GHR: variants seen among roughly 807,000 people sequenced by gnomAD.
GHR encodes GH receptor.
A neutral mutation model predicts 67.1 loss-of-function variants in GHR; 35 were observed. That is an observed-to-expected ratio of 0.52 (90% CI 0.40 to 0.69). The LOEUF is 0.69. Ranked by LOEUF, GHR falls within the 30% of genes least tolerant of loss-of-function variation. The pLI is 0.00. For synonymous variants in GHR, 272 were observed against 269.1 expected (o/e 1.01, Z -0.10); for missense variants, 792 against 764.6 (o/e 1.04, Z -0.42).
chr5:42,479,770 C>G (rs557524564), intron 1 of GHR, among the ~76,000 whole-genome samples: 1 of 151,962 alleles, frequency 6.6e-6, no homozygotes, highest in South Asian at 2.1e-4. Context: ...TTTGATTATT[C>G]TCTCTTTTCT....
At chr5:42,600,141 A>T (rs1752296863) in intron 2 of GHR, among the ~76,000 whole-genome samples, 2 of 152,142 alleles carry the variant, frequency 1.3e-5, no homozygotes, top group Admixed American at 1.3e-4. Context: ...AGGCACTTGG[A>T]GGCATGGGTC....
At chr5:42,660,464 G>A (rs946775860) in intron 3 of GHR, among the ~76,000 whole-genome samples, 1 of 152,188 alleles carries the variant, frequency 6.6e-6, no homozygotes, top group African/African-American at 2.4e-5. Flanking sequence ...AAAATCCGCT[G>A]TTCTGCAGCC....
intron 1 of GHR, among the ~76,000 whole-genome samples, chr5:42,518,740 C>T (rs908649770): frequency 4.6e-5 from 7 of 152,180 alleles, no homozygotes; most frequent in Admixed American, 3.9e-4. Flanking sequence ...GAAGGCGGGG[C>T]ATTTTGGCAT....
chr5:42,480,797 G>T, intron 1 of GHR, among the ~76,000 whole-genome samples: 1 of 152,224 alleles, frequency 6.6e-6, no homozygotes, highest in East Asian at 1.9e-4. Flanking sequence ...ATGTGAGATG[G>T]GTTTCCTTAA....
At chr5:42,448,256 ATTATTTTT>A (rs1192715619) in intron 1 of GHR, among the ~76,000 whole-genome samples, 2 of 151,936 alleles carry the variant, frequency 1.3e-5, no homozygotes, top group African/African-American at 4.8e-5. Flanking sequence ...GCCAACATCT[ATTATTTTT>A]TTATTTTTTA....
chr5:42,680,671 A>ATC (rs1039308428), intron 3 of GHR, among the ~76,000 whole-genome samples: 2 of 151,502 alleles, frequency 1.3e-5, no homozygotes, highest in African/African-American at 2.4e-5. Flanking sequence ...GACCTGGCTA[A>ATC]TTTTTGTATT....
chr5:42,454,814 A>G (rs191545869), intron 1 of GHR, among the ~76,000 whole-genome samples: 109 of 152,146 alleles, frequency 7.2e-4, no homozygotes, highest in African/African-American at 2.5e-3. Flanking sequence ...CAAGGCTTTC[A>G]GGCCACACCC....
chr5:42,451,536 T>C (rs1430704372), intron 1 of GHR, among the ~76,000 whole-genome samples: 4 of 151,948 alleles, frequency 2.6e-5, no homozygotes, highest in Non-Finnish European at 5.9e-5. Flanking sequence ...GGTCAGGAGT[T>C]CTACTAAAAA....
Position 42,646,392 on chromosome 5 carries a change from G to C in GHR, c.136+17289G>C, listed in dbSNP as rs957677182. On this transcript the variant is annotated intron_variant, in intron 3 of 9. Coordinates refer to ENST00000230882, the MANE Select transcript of GHR (RefSeq NM_000163.5). ...GGTTTCAGTCTGGCTCACTGGGTGA[G>C]GTTTTGGCATGAAAACTAATACGGG... The C allele has an allele frequency of 8.2e-5, 37 of 452,522 alleles. 1 individual carries two copies. The highest frequency in any genetic ancestry group is 6.5e-4 in the Middle Eastern group (2 of 3,074). The allele number at this position is 452,522 out of a possible 1,614,324, so 28.0% of individuals were successfully genotyped here. A position where few individuals can be genotyped will look rare whatever the true frequency, so the allele number is the denominator to read the frequency against.
At chr5:42,624,843 A>G (rs939845749) in intron 2 of GHR, among the ~76,000 whole-genome samples, 3 of 152,150 alleles carry the variant, frequency 2.0e-5, no homozygotes, top group Admixed American at 2.0e-4. Context: ...GGTGGTGGGA[A>G]TGGTTCTAGA....
intron 3 of GHR, among the ~76,000 whole-genome samples, chr5:42,685,047 A>T (rs1237035989): frequency 6.6e-6 from 1 of 151,960 alleles, no homozygotes; most frequent in South Asian, 2.1e-4. Flanking sequence ...GCACCCACCA[A>T]CCCGTCATCT....
At chr5:42,707,410 A>T (rs534854922) in intron 6 of GHR, among the ~76,000 whole-genome samples, 5 of 151,592 alleles carry the variant, frequency 3.3e-5, no homozygotes, top group East Asian at 2.0e-4. Flanking sequence ...GGGTTTATTC[A>T]TTTTAGTTAG....
At chr5:42,467,823 G>T in intron 1 of GHR, 2 of 1,274,138 alleles carry the variant, frequency 1.6e-6, no homozygotes, top group Middle Eastern at 1.9e-4. Flanking sequence ...CGCCCAAGCT[G>T]GGTTTTCGGA....
intron 1 of GHR, among the ~76,000 whole-genome samples, chr5:42,510,834 C>A (rs899715612): frequency 2.0e-5 from 3 of 152,102 alleles, no homozygotes; most frequent in African/African-American, 7.2e-5. Flanking sequence ...TGGGAGAGGG[C>A]GTATTTCTTG....
At position 42,636,209 on chromosome 5, in the gene GHR, CAAAAAAAAAAAA is replaced by C. The variant is rs11373491; in HGVS notation, c.136+7119_136+7130del. 1.2e-4 allele frequency among the ~76,000 whole-genome samples: 10 copies of C among 81,926 alleles called. No homozygotes were observed. The Admixed American group carries it at 1.2e-3, about 10-fold the overall frequency. 53.7% of individuals were successfully genotyped at this position (81,926 alleles called of 152,430 possible). A position where few individuals can be genotyped will look rare whatever the true frequency, so the allele number is the denominator to read the frequency against. On this transcript the variant is annotated intron_variant, in intron 3 of 9. Transcript: ENST00000230882. ...TGGGCGACAGAGCGAGACCCCGTTT[CAAAAAAAAAAAA>C]AAAAAAAAAAAATTAGAGCCTAAGA...
At chr5:42,534,645 A>G (rs184522149) in intron 1 of GHR, among the ~76,000 whole-genome samples, 2 of 152,104 alleles carry the variant, frequency 1.3e-5, no homozygotes, top group East Asian at 1.9e-4. Context: ...TCTTTTTCTT[A>G]TAATGACTTC....
intron 2 of GHR, among the ~76,000 whole-genome samples, chr5:42,590,461 G>A (rs1373386233): frequency 6.6e-6 from 1 of 152,038 alleles, no homozygotes; most frequent in Non-Finnish European, 1.5e-5. Context: ...GGCATTTATT[G>A]TGGGGAAGAC....
At chr5:42,697,471 T>A (rs1351478638) in intron 5 of GHR, among the ~76,000 whole-genome samples, 1 of 152,142 alleles carries the variant, frequency 6.6e-6, no homozygotes, top group Non-Finnish European at 1.5e-5. Context: ...TTGGCATCCC[T>A]GAGGCAGTGG....
At position 42,480,849 on chromosome 5, in the gene GHR, A is replaced by G. The variant is rs1454308066; in HGVS notation, c.-12+56894A>G. On this transcript the variant is annotated intron_variant, in intron 1 of 9. Coordinates refer to ENST00000230882, the MANE Select transcript of GHR (RefSeq NM_000163.5). ...GTCTTGACTCTTTATCCAATTTGCC[A>G]GCCTGTGTCTTTTAATTGGAGCATT... Among the ~76,000 whole-genome samples the G allele has an allele frequency of 9.4e-4, 143 of 152,314 alleles. 1 individual carries two copies. Among genetic ancestry groups the G allele is most frequent in the Non-Finnish European group, 5.9e-5 (4 of 68,034 alleles).
Sources: gnomAD v4.1 joint callset for allele counts (sites outside exome capture counted in the v4.1 genomes callset) on GRCh38, gnomAD v4.1.1 for gene constraint, MANE v1.5 for transcripts, NCBI Gene and HGNC (gene_info 2026-07-23, HGNC 2026-07-21) for gene names.